Variants in CSGALNACT1 observed in about 807,000 individuals in gnomAD.
CSGALNACT1 encodes beta4GalNAcT-1.
In CSGALNACT1, 52 loss-of-function variants were observed where a neutral mutation model predicts 51.0. The observed-to-expected ratio is 1.02, with a 90% CI of 0.82 to 1.29. The LOEUF (loss-of-function observed/expected upper bound fraction) is 1.29, where lower values mean the gene tolerates loss of function less well. Among genes scored for constraint, CSGALNACT1 ranks in the 50% most tolerant of loss-of-function variants. The pLI is 0.00. For missense variants in CSGALNACT1, 935 were observed against 679.2 expected (o/e 1.38, Z -4.19); for synonymous variants, 341 against 254.4 (o/e 1.34, Z -3.24).
chr8:19,635,679 G>A (rs1324218170), intron 1 of CSGALNACT1, among the ~76,000 whole-genome samples: 2 of 152,160 alleles, frequency 1.3e-5, no homozygotes, highest in African/African-American at 4.8e-5. Flanking sequence ...ACACAGTTGT[G>A]AGGCATCCAA....
intron 5 of CSGALNACT1, among the ~76,000 whole-genome samples, chr8:19,454,764 T>C (rs1160162312): frequency 6.6e-6 from 1 of 151,598 alleles, no homozygotes; most frequent in Non-Finnish European, 1.5e-5. Context: ...TACTGAAATG[T>C]TTCAATCAAA....
chr8:19,513,812 C>G lies in CSGALNACT1; in HGVS notation c.-296-7682G>C, dbSNP rs114054160. On this transcript the variant is annotated intron_variant, in intron 3 of 9. Coordinates refer to ENST00000454498, the Ensembl canonical transcript of CSGALNACT1. ...ACACTATGGTATTTGTGTATCTAAA[C>G]ACATCTAGACAAAGAAAGGGTACAG... Among the ~76,000 whole-genome samples the G allele has an allele frequency of 7.3e-3, 1,112 of 152,064 alleles. 14 individuals are homozygous for G. The highest frequency in any genetic ancestry group is 0.025 in the African/African-American group (1,053 of 41,484).
chr8:19,716,309 T>C (rs1189425109), intron 1 of CSGALNACT1, among the ~76,000 whole-genome samples: 2 of 152,102 alleles, frequency 1.3e-5, no homozygotes, highest in African/African-American at 4.8e-5. Context: ...TCCTGTGTGG[T>C]AGGGAGTATA....
At chr8:19,519,662 C>G (rs148597442) in intron 3 of CSGALNACT1, among the ~76,000 whole-genome samples, 100 of 152,306 alleles carry the variant, frequency 6.6e-4, no homozygotes, top group African/African-American at 2.2e-3. Context: ...CACTCTCCCT[C>G]CTCTCCATCT....
chr8:19,468,150 G>A (rs1370880601), intron 4 of CSGALNACT1, among the ~76,000 whole-genome samples: 1 of 144,446 alleles, frequency 6.9e-6, no homozygotes, highest in Non-Finnish European at 1.5e-5. Flanking sequence ...CCACCTACTG[G>A]AGGGTCTGGA....
At chr8:19,639,696 G>A (rs2056519265) in intron 1 of CSGALNACT1, among the ~76,000 whole-genome samples, 1 of 152,104 alleles carries the variant, frequency 6.6e-6, no homozygotes, top group African/African-American at 2.4e-5. Context: ...CCACCTCAAG[G>A]GGAAGAGAGC....
At chr8:19,428,507 G>A (rs140838414) in intron 6 of CSGALNACT1, among the ~76,000 whole-genome samples, 76 of 152,158 alleles carry the variant, frequency 5.0e-4, no homozygotes, top group African/African-American at 1.8e-3. Context: ...ATGCTCTCTC[G>A]CCAGGTCCCT....
intron 1 of CSGALNACT1, among the ~76,000 whole-genome samples, chr8:19,720,967 C>T (rs1434400715): frequency 2.6e-5 from 4 of 152,190 alleles, no homozygotes; most frequent in Non-Finnish European, 5.9e-5. Context: ...AGGAGCTGCA[C>T]AGCCAGGACA....
chr8:19,746,742 A>G (rs930077334), intron 1 of CSGALNACT1, among the ~76,000 whole-genome samples: 2 of 152,256 alleles, frequency 1.3e-5, no homozygotes, highest in Non-Finnish European at 2.9e-5. Context: ...TCCTCCAGAA[A>G]TGAAGTATCT....
At chr8:19,602,935 A>G (rs1421760767), upstream of CSGALNACT1, among the ~76,000 whole-genome samples, 1 of 151,624 alleles carries the variant, frequency 6.6e-6, no homozygotes, top group Non-Finnish European at 1.5e-5. Flanking sequence ...TATTATTCGA[A>G]TAACAGCAAA....
At chr8:19,668,742 G>A (rs1272928541) in intron 1 of CSGALNACT1, among the ~76,000 whole-genome samples, 1 of 152,040 alleles carries the variant, frequency 6.6e-6, no homozygotes, top group Non-Finnish European at 1.5e-5. Context: ...ATTAGGAGAT[G>A]GGGTCTCACC....
intron 1 of CSGALNACT1, among the ~76,000 whole-genome samples, chr8:19,612,878 G>A (rs1018430513): frequency 3.0e-5 from 4 of 133,028 alleles, no homozygotes; most frequent in Non-Finnish European, 6.2e-5. Context: ...AAATAAGGCA[G>A]TTGTAAACCA....
chr8:19,715,409 T>C (rs1376063729), intron 1 of CSGALNACT1, among the ~76,000 whole-genome samples: 8 of 152,238 alleles, frequency 5.3e-5, no homozygotes, highest in Admixed American at 3.9e-4. Flanking sequence ...GTTGGTTTAC[T>C]TAGGATAATG....
intron 2 of CSGALNACT1, among the ~76,000 whole-genome samples, chr8:19,599,983 A>G (rs1415954403): frequency 6.6e-6 from 1 of 152,192 alleles, no homozygotes; most frequent in Non-Finnish European, 1.5e-5. Flanking sequence ...ATTAGGCCAT[A>G]AGTTGTGCAG....
chr8:19,492,591 G>A (rs995006407), intron 4 of CSGALNACT1, among the ~76,000 whole-genome samples: 1 of 152,174 alleles, frequency 6.6e-6, no homozygotes, highest in African/African-American at 2.4e-5. Context: ...CGATGCCCCA[G>A]TCTGACTTAG....
intron 3 of CSGALNACT1, among the ~76,000 whole-genome samples, chr8:19,561,226 T>C (rs2040637030): frequency 6.6e-6 from 1 of 152,210 alleles, no homozygotes; most frequent in African/African-American, 2.4e-5. Context: ...TCTGTCAATC[T>C]TCTGTGTTAT....
exon 10 of CSGALNACT1, chr8:19,404,792 A>G (rs1178594947): frequency 2.2e-6 from 1 of 454,544 alleles, no homozygotes. Flanking sequence ...ACATCACGAT[A>G]TCACCAGTCT....
chr8:19,733,329 A>C (rs1273301500), intron 1 of CSGALNACT1, among the ~76,000 whole-genome samples: 1 of 152,240 alleles, frequency 6.6e-6, no homozygotes, highest in Non-Finnish European at 1.5e-5. Context: ...TTGCAAGATC[A>C]CAGCCAAGGC....
chr8:19,617,500 C>T (rs1222145210), intron 1 of CSGALNACT1, among the ~76,000 whole-genome samples: 1 of 152,136 alleles, frequency 6.6e-6, no homozygotes, highest in African/African-American at 2.4e-5. Flanking sequence ...CTATGCTCTC[C>T]AAACATATAT....
Sources: allele counts gnomAD v4.1 joint callset (sites outside exome capture counted in the v4.1 genomes callset), GRCh38; gene constraint gnomAD v4.1.1; transcripts MANE v1.5; gene names NCBI Gene and HGNC (gene_info 2026-07-23, HGNC 2026-07-21).